BLNK: variants seen among roughly 807,000 people sequenced by gnomAD.
BLNK encodes B cell linker, also known as B-cell linker protein.
A neutral mutation model predicts 73.5 loss-of-function variants in BLNK; 29 were observed. That is an observed-to-expected ratio of 0.39 (90% CI 0.29 to 0.54). The LOEUF (loss-of-function observed/expected upper bound fraction) is 0.54. Among genes scored for constraint, BLNK ranks in the 20% least tolerant of loss-of-function variants. The probability of loss-of-function intolerance (pLI) is 0.61; values close to 1 mark genes in which losing one functional copy is unlikely to be tolerated. For synonymous variants in BLNK, 176 were observed against 200.8 expected, an observed-to-expected ratio of 0.88 and a Z score of 1.04; for missense variants, 460 against 562.8, an observed-to-expected ratio of 0.82 and a Z score of 1.85.
intron 1 of BLNK, among the ~76,000 whole-genome samples, chr10:96,255,917 G>A (rs1297280522): frequency 1.3e-5 from 2 of 152,164 alleles, no homozygotes; most frequent in Non-Finnish European, 2.9e-5. Context: ...TCAAGCCTGA[G>A]CTTTTTGTCA....
chr10:96,263,819 G>A lies in BLNK; in HGVS notation c.47+7533C>T, dbSNP rs574544357. ...ACAGTGAAGAGGAGCAACCTCCTGA[G>A]AGAGGGTTTCCACCGCAGCAGCCAA... On this transcript the variant is annotated intron_variant, in intron 1 of 16. Coordinates refer to ENST00000224337, the MANE Select transcript of BLNK (RefSeq NM_013314.4). Among the ~76,000 whole-genome samples, 3 of 152,344 alleles carry A rather than the reference G, an allele frequency of 2.0e-5. No homozygotes were observed. The East Asian group carries it at 5.8e-4, about 29-fold the overall frequency.
chr10:96,254,902 G>A (rs1291430478), intron 1 of BLNK, among the ~76,000 whole-genome samples: 3 of 152,178 alleles, frequency 2.0e-5, no homozygotes, highest in Non-Finnish European at 4.4e-5. Context: ...GTAGGTTAAA[G>A]AAATCGTCTT....
At chr10:96,221,369 G>T (rs1402011119) in intron 6 of BLNK, among the ~76,000 whole-genome samples, 1 of 152,176 alleles carries the variant, frequency 6.6e-6, no homozygotes, top group Non-Finnish European at 1.5e-5. Flanking sequence ...GCAGAGCAGG[G>T]TTAAACACTT....
chr10:96,245,171 T>C (rs746249418), intron 2 of BLNK, among the ~76,000 whole-genome samples: 4 of 152,118 alleles, frequency 2.6e-5, no homozygotes, highest in Admixed American at 6.5e-5. Flanking sequence ...TGATCACTTA[T>C]GCATAGAGAC....
Position 96,189,661 on chromosome 10 carries a change from T to C in BLNK, c.*2312A>G. The C allele has an allele frequency of 1.4e-6, 1 of 718,346 alleles. No homozygotes were observed. Among genetic ancestry groups the C allele is most frequent in the Non-Finnish European group, 2.6e-6 (1 of 387,838 alleles). 44.5% of individuals were successfully genotyped at this position (718,346 alleles called of 1,614,324 possible). ...TTTTTGGCTGGAGTATGTAGATTTC[T>C]TCAATGGTGCTTTTTCTTCAGTTTC... On this transcript the variant is annotated 3_prime_UTR_variant, in exon 17 of 17. Coordinates refer to ENST00000224337, the MANE Select transcript of BLNK (RefSeq NM_013314.4).
intron 3 of BLNK, among the ~76,000 whole-genome samples, chr10:96,236,828 A>G (rs1842706725): frequency 6.6e-6 from 1 of 152,142 alleles, no homozygotes; most frequent in Non-Finnish European, 1.5e-5. Context: ...CCCGTCTCAA[A>G]AAAAGAAAAA....
chr10:96,214,554 GA>G (rs763148202), intron 8 of BLNK, among the ~76,000 whole-genome samples: 1 of 151,828 alleles, frequency 6.6e-6, no homozygotes. Context: ...AAATTCAGGA[GA>G]AAAAAAAGCA....
intron 3 of BLNK, among the ~76,000 whole-genome samples, chr10:96,234,779 T>C (rs781839113): frequency 2.0e-5 from 3 of 152,210 alleles, no homozygotes; most frequent in Non-Finnish European, 4.4e-5. Flanking sequence ...TCACACACTA[T>C]GGCTACCACA....
At chr10:96,201,080 C>A in intron 13 of BLNK, 22 bp from the exon 14 acceptor site, 2 of 1,597,836 alleles carry the variant, frequency 1.3e-6, no homozygotes, top group African/African-American at 1.3e-5. Context: ...CAGAAAAGTC[C>A]TTCAATTAAT....
chr10:96,251,206 T>C (rs758123081), intron 1 of BLNK, among the ~76,000 whole-genome samples: 17 of 152,368 alleles, frequency 1.1e-4, no homozygotes, highest in Non-Finnish European at 2.4e-4. Flanking sequence ...CAAACTTCTG[T>C]GATCTGGGAA....
intron 1 of BLNK, among the ~76,000 whole-genome samples, chr10:96,266,877 G>A (rs1321175621): frequency 2.6e-5 from 4 of 152,168 alleles, no homozygotes; most frequent in African/African-American, 9.7e-5. Context: ...TTATTGACTT[G>A]GTATACTGAC....
At chr10:96,263,740 T>C (rs781902166) in intron 1 of BLNK, among the ~76,000 whole-genome samples, 1 of 152,160 alleles carries the variant, frequency 6.6e-6, no homozygotes, top group Non-Finnish European at 1.5e-5. Flanking sequence ...AGTCAGACTT[T>C]CTTGCTCATT....
chr10:96,257,788 C>A (rs549845425), intron 1 of BLNK, among the ~76,000 whole-genome samples: 3 of 152,330 alleles, frequency 2.0e-5, no homozygotes, highest in East Asian at 3.9e-4. Context: ...ACAGAGCTAA[C>A]CTGAACACAA....
chr10:96,227,682 T>A, intron 4 of BLNK, 116 bp from the exon 5 acceptor site: 2 of 1,526,100 alleles, frequency 1.3e-6, no homozygotes, highest in South Asian at 2.3e-5. Flanking sequence ...CTTGGAGAGG[T>A]TGACTTCAAA....
chr10:96,255,484 T>G (rs918908880), intron 1 of BLNK, among the ~76,000 whole-genome samples: 1 of 151,174 alleles, frequency 6.6e-6, no homozygotes. Context: ...ATAGGCAGGT[T>G]TCAGGATTTT....
chr10:96,232,084 G>A (rs1842520813), intron 3 of BLNK, among the ~76,000 whole-genome samples: 1 of 152,240 alleles, frequency 6.6e-6, no homozygotes, highest in South Asian at 2.1e-4. Flanking sequence ...TTAGCATCTA[G>A]CCTATCACAT....
At chr10:96,206,123 G>A (rs993642733) in intron 11 of BLNK, among the ~76,000 whole-genome samples, 1 of 152,156 alleles carries the variant, frequency 6.6e-6, no homozygotes, top group Admixed American at 6.5e-5. Context: ...AAAGCAGAGA[G>A]GTGAGTTGTA....
At chr10:96,209,703 T>A in intron 9 of BLNK, 135 bp downstream of exon 9, 1 of 1,111,974 alleles carries the variant, frequency 9.0e-7, no homozygotes, top group Non-Finnish European at 1.4e-6. Flanking sequence ...CATTTGATGT[T>A]AGCAGGGCTC....
intron 10 of BLNK, among the ~76,000 whole-genome samples, chr10:96,207,386 TG>T (rs1554897662): frequency 6.6e-6 from 1 of 152,178 alleles, no homozygotes; most frequent in East Asian, 1.9e-4. Context: ...TTTGGTCTCA[TG>T]ACCCCCCCCT....
Sources: gnomAD v4.1 joint callset for allele counts (sites outside exome capture counted in the v4.1 genomes callset) on GRCh38, gnomAD v4.1.1 for gene constraint, MANE v1.5 for transcripts, NCBI Gene and HGNC (gene_info 2026-07-23, HGNC 2026-07-21) for gene names.